Variants in IQSEC1 observed in about 807,000 individuals in gnomAD.
IQSEC1 encodes IQ motif and SEC7 domain-containing protein 1.
IQSEC1 carries 31 observed loss-of-function variants against 91.0 expected under a neutral mutation model. That is an observed-to-expected ratio of 0.34 (90% confidence interval 0.26 to 0.46). IQSEC1 has a LOEUF of 0.46. IQSEC1 is among the 20% of genes least tolerant of loss of function. IQSEC1 has a pLI of 1.00. For missense variants in IQSEC1, 1,388 were observed against 1,575.6 expected (o/e 0.88, Z 2.02); for synonymous variants, 699 against 662.6 (o/e 1.05, Z -0.84).
At chr3:13,086,812 A>C (rs1480893395) in intron 2 of IQSEC1, among the ~76,000 whole-genome samples, 1 of 152,086 alleles carries the variant, frequency 6.6e-6, no homozygotes, top group Non-Finnish European at 1.5e-5. Context: ...CTGTCTCCTC[A>C]CCCAGTTTAC....
intron 2 of IQSEC1, among the ~76,000 whole-genome samples, chr3:13,113,215 C>T (rs1246666845): frequency 6.6e-6 from 1 of 152,194 alleles, no homozygotes; most frequent in Non-Finnish European, 1.5e-5. Flanking sequence ...TCGGCTGCCC[C>T]TTTGCCTTGG....
Position 13,246,042 on chromosome 3 carries a change from C to T in IQSEC1, c.272+36669G>A, listed in dbSNP as rs906501520. 4.6e-5 allele frequency among the ~76,000 whole-genome samples: 7 copies of T among 152,322 alleles called. No homozygotes were observed. The East Asian group carries it at 1.3e-3, about 29-fold the overall frequency. On this transcript the variant is annotated intron_variant, in intron 1 of 15. Transcript: ENST00000648114. ...ACTTGAAACGGTGATGTGATGATTA[C>T]TTTAAAATAGGTGTTTTCTCTTTCA...
At chr3:13,229,340 A>C (rs188633882) in intron 1 of IQSEC1, among the ~76,000 whole-genome samples, 119 of 152,342 alleles carry the variant, frequency 7.8e-4, no homozygotes, top group Non-Finnish European at 1.5e-3. Flanking sequence ...TACTGCATAA[A>C]TGTACTCAGC....
intron 1 of IQSEC1, among the ~76,000 whole-genome samples, chr3:13,021,260 G>A (rs1703383121): frequency 1.3e-5 from 2 of 152,164 alleles, no homozygotes; most frequent in African/African-American, 4.8e-5. Flanking sequence ...CAGCTGCAGA[G>A]GCCGCAGCGA....
chr3:13,093,016 C>G (rs1450609058), intron 2 of IQSEC1, among the ~76,000 whole-genome samples: 1 of 152,060 alleles, frequency 6.6e-6, no homozygotes, highest in Admixed American at 6.5e-5. Flanking sequence ...TCCTCAGGGT[C>G]CTATCTCTGT....
intron 1 of IQSEC1, among the ~76,000 whole-genome samples, chr3:13,218,518 G>A (rs189030892): frequency 4.6e-5 from 7 of 152,374 alleles, no homozygotes; most frequent in South Asian, 2.1e-4. Context: ...GCCTGTGGCC[G>A]AGACAGCATA....
chr3:13,066,974 C>G (rs1278487142), intron 1 of IQSEC1, among the ~76,000 whole-genome samples: 1 of 152,210 alleles, frequency 6.6e-6, no homozygotes, highest in Admixed American at 6.5e-5. Flanking sequence ...CTGGCAGACA[C>G]CACTCCTCCC....
At chr3:12,946,754 C>A (rs1473566888) in intron 1 of IQSEC1, among the ~76,000 whole-genome samples, 3 of 152,162 alleles carry the variant, frequency 2.0e-5, no homozygotes, top group African/African-American at 7.2e-5. Context: ...AGAAGCCAGT[C>A]ACCAACATGA....
chr3:13,205,964 C>T (rs866923254), intron 1 of IQSEC1, among the ~76,000 whole-genome samples: 18 of 150,348 alleles, frequency 1.2e-4, no homozygotes, highest in African/African-American at 4.2e-4. Context: ...CCATCCATCC[C>T]GCCATCCATT....
At chr3:13,003,499 G>GT (rs1168884940) in intron 1 of IQSEC1, among the ~76,000 whole-genome samples, 1 of 152,140 alleles carries the variant, frequency 6.6e-6, no homozygotes, top group Non-Finnish European at 1.5e-5. Flanking sequence ...GGGAAAATGG[G>GT]TATGTGGTTT....
chr3:13,208,113 G>T (rs932879738), intron 1 of IQSEC1, among the ~76,000 whole-genome samples: 1 of 151,034 alleles, frequency 6.6e-6, no homozygotes, highest in African/African-American at 2.4e-5. Context: ...CAAGACTTGG[G>T]TGGGTGGGTG....
At chr3:13,046,598 G>A (rs1704504316) in intron 1 of IQSEC1, among the ~76,000 whole-genome samples, 1 of 152,142 alleles carries the variant, frequency 6.6e-6, no homozygotes. Flanking sequence ...CCCTCTCCCA[G>A]AAGCCAAGCT....
intron 1 of IQSEC1, among the ~76,000 whole-genome samples, chr3:13,225,597 T>C (rs989423955): frequency 6.6e-6 from 1 of 152,214 alleles, no homozygotes; most frequent in Non-Finnish European, 1.5e-5. Flanking sequence ...TAACATGTGC[T>C]AGACACAGGC....
intron 1 of IQSEC1, among the ~76,000 whole-genome samples, chr3:13,205,681 A>C (rs1694331245): frequency 7.0e-6 from 1 of 143,464 alleles, no homozygotes. Flanking sequence ...CATCCATCCA[A>C]ACATCCATCC....
rs944865627 is a variant in IQSEC1, at chr3:12,940,646, C to T, written c.318+925G>A. On this transcript the variant is annotated intron_variant, in intron 2 of 13. Coordinates refer to ENST00000613206, the MANE Select transcript of IQSEC1 (RefSeq NM_001134382.3). The surrounding 1 kb of genome is among the most constrained non-coding windows in gnomAD (Gnocchi z 4.4). ...CAGGAGCTGGGGAGAGTCTGACAGC[C>T]CTCCCCAGCCTGCCCCTGCAAGCTT... is the stretch of plus-strand genomic sequence containing the variant. 7.9e-5 allele frequency among the ~76,000 whole-genome samples: 12 copies of T among 151,892 alleles called. No homozygotes were observed. The highest frequency in any genetic ancestry group is 7.9e-4 in the Admixed American group (12 of 15,262).
chr3:12,900,393 G>A lies in IQSEC1; in HGVS notation c.*590C>T. 2.0e-6 allele frequency: 2 copies of A among 984,476 alleles called. No homozygotes were observed. Among genetic ancestry groups the A allele is most frequent in the Non-Finnish European group, 2.4e-6 (2 of 829,780 alleles). 61.0% of individuals were successfully genotyped at this position (984,476 alleles called of 1,614,324 possible). A position where few individuals can be genotyped will look rare whatever the true frequency, so the allele number is the denominator to read the frequency against. On this transcript the variant is annotated 3_prime_UTR_variant, in exon 14 of 14. Coordinates refer to ENST00000613206, the MANE Select transcript of IQSEC1 (RefSeq NM_001134382.3). ...AGGTAAGTGGAGCTCCTTGTAAGGT[G>A]GGTATTGCTAATGTGGACTGAAACG...
intron 1 of IQSEC1, among the ~76,000 whole-genome samples, chr3:13,004,477 G>C (rs1702550420): frequency 6.6e-6 from 1 of 152,128 alleles, no homozygotes; most frequent in African/African-American, 2.4e-5. Context: ...ACCAGATCTG[G>C]AGCCTTGGAG....
intron 1 of IQSEC1, among the ~76,000 whole-genome samples, chr3:13,262,682 C>T: frequency 6.6e-6 from 1 of 152,192 alleles, no homozygotes; most frequent in East Asian, 1.9e-4. Flanking sequence ...AACAGATGAC[C>T]GGATAAACAA....
chr3:13,275,279 G>A (rs903814797), intron 1 of IQSEC1, among the ~76,000 whole-genome samples: 4 of 152,178 alleles, frequency 2.6e-5, no homozygotes, highest in South Asian at 2.1e-4. Context: ...TCTCTAACCC[G>A]TTCCTTTGTG....
Sources: gnomAD v4.1 joint callset for allele counts (sites outside exome capture counted in the v4.1 genomes callset) on GRCh38, gnomAD v4.1.1 for gene constraint, Gnocchi (gnomAD v3.1) non-coding constraint, MANE v1.5 for transcripts, NCBI Gene and HGNC (gene_info 2026-07-23, HGNC 2026-07-21) for gene names.